Variants in DCC observed in about 807,000 individuals in gnomAD.
DCC encodes the protein netrin receptor DCC.
Under a neutral mutation model 172.5 loss-of-function variants are expected in DCC, and 58 were observed. The observed-to-expected ratio is 0.34, with a 90% CI of 0.27 to 0.42. The LOEUF (loss-of-function observed/expected upper bound fraction) is 0.42. DCC is among the 10% of genes least tolerant of loss of function. The probability of loss-of-function intolerance (pLI) is 1.00; values close to 1 mark genes in which losing one functional copy is unlikely to be tolerated. For synonymous variants in DCC, 709 were observed against 644.5 expected (o/e 1.10, Z -1.52); for missense variants, 1,740 against 1,791.0 (o/e 0.97, Z 0.51).
chr18:53,453,211 G>A (rs186638368), intron 23 of DCC, among the ~76,000 whole-genome samples: 233 of 152,164 alleles, frequency 1.5e-3, no homozygotes, highest in East Asian at 6.2e-3. Context: ...CACCGCGCCC[G>A]GCCCCTTATA....
intron 7 of DCC, among the ~76,000 whole-genome samples, chr18:53,095,792 CTT>C (rs71175552): frequency 0.031 from 3,965 of 126,140 alleles, 71 homozygotes; most frequent in African/African-American, 0.041. Flanking sequence ...ATATGGATAT[CTT>C]TTTTTTTTTT....
At chr18:52,988,562 A>G (rs2041332056) in intron 5 of DCC, among the ~76,000 whole-genome samples, 1 of 152,164 alleles carries the variant, frequency 6.6e-6, no homozygotes, top group Non-Finnish European at 1.5e-5. Context: ...TATAAAATCT[A>G]TAATAAATTA....
chr18:52,426,410 G>A (rs892223054), intron 1 of DCC, among the ~76,000 whole-genome samples: 9 of 150,568 alleles, frequency 6.0e-5, no homozygotes, highest in African/African-American at 2.0e-4. Context: ...TTAAACATAC[G>A]TGGTCGTGGT....
chr18:53,187,208 C>T (rs1259387820), intron 9 of DCC, among the ~76,000 whole-genome samples: 1 of 151,420 alleles, frequency 6.6e-6, no homozygotes, highest in Non-Finnish European at 1.5e-5. Flanking sequence ...CTGCAACCTC[C>T]ACGTCCTGAG....
chr18:53,303,704 C>T (rs2057167368), intron 12 of DCC, among the ~76,000 whole-genome samples: 3 of 152,102 alleles, frequency 2.0e-5, no homozygotes. Flanking sequence ...TCTCTGAGCC[C>T]ACAGTAGCAT....
At chr18:53,259,855 A>C (rs2056572321) in intron 12 of DCC, among the ~76,000 whole-genome samples, 1 of 152,048 alleles carries the variant, frequency 6.6e-6, no homozygotes, top group Non-Finnish European at 1.5e-5. Context: ...CACCAATCAG[A>C]AGTAGATTTG....
chr18:53,158,487 G>A (rs1289242225), intron 8 of DCC, among the ~76,000 whole-genome samples: 2 of 152,252 alleles, frequency 1.3e-5, no homozygotes, highest in East Asian at 3.9e-4. Flanking sequence ...CTGTAAACAT[G>A]TGATGATCTT....
chr18:53,133,199 C>G (rs536537953), intron 7 of DCC, among the ~76,000 whole-genome samples: 1 of 152,310 alleles, frequency 6.6e-6, no homozygotes, highest in Non-Finnish European at 1.5e-5. Context: ...TGTGCCAAGG[C>G]ACAGCTGTTC....
intron 1 of DCC, among the ~76,000 whole-genome samples, chr18:52,369,141 C>T (rs947351118): frequency 6.6e-6 from 1 of 152,106 alleles, no homozygotes; most frequent in African/African-American, 2.4e-5. Flanking sequence ...TTGGTGGTAT[C>T]GATGAAGAGT....
intron 12 of DCC, among the ~76,000 whole-genome samples, chr18:53,300,790 T>C (rs1210264126): frequency 6.6e-6 from 1 of 152,128 alleles, no homozygotes; most frequent in East Asian, 1.9e-4. Flanking sequence ...ATATTTTTTT[T>C]CTTCTCTCAG....
At chr18:52,517,557 C>G (rs758641447) in intron 1 of DCC, among the ~76,000 whole-genome samples, 2 of 152,190 alleles carry the variant, frequency 1.3e-5, no homozygotes, top group African/African-American at 2.4e-5. Context: ...AATAGCAACT[C>G]CTTAGGTCCA....
intron 12 of DCC, chr18:53,237,060 T>TA (rs2056214286): frequency 6.6e-6 from 1 of 152,092 alleles, no homozygotes; most frequent in African/African-American, 2.4e-5. Flanking sequence ...TATTTATATA[T>TA]GTTTAAAACC....
intron 19 of DCC, among the ~76,000 whole-genome samples, chr18:53,406,871 A>C (rs1909695862): frequency 6.6e-6 from 1 of 152,086 alleles, no homozygotes; most frequent in Admixed American, 6.6e-5. Flanking sequence ...CATCCCAATG[A>C]AGTTGCTTGT....
At chr18:53,100,852 T>G (rs11873586) in intron 7 of DCC, among the ~76,000 whole-genome samples, 23,944 of 152,024 alleles carry the variant, frequency 0.16, 2,380 homozygotes, top group African/African-American at 0.28. Flanking sequence ...GGAGAGAGCC[T>G]GTTTTAAGAT....
chr18:53,235,929 A>G (rs2056196247), intron 12 of DCC, among the ~76,000 whole-genome samples: 1 of 152,098 alleles, frequency 6.6e-6, no homozygotes, highest in Non-Finnish European at 1.5e-5. Flanking sequence ...CATGCATGGT[A>G]TTTAATATTA....
At chr18:52,608,993 GA>G (rs1366167772) in intron 1 of DCC, among the ~76,000 whole-genome samples, 1 of 152,154 alleles carries the variant, frequency 6.6e-6, no homozygotes, top group Non-Finnish European at 1.5e-5. Context: ...GTGAGTATTT[GA>G]AGCAAGCATC....
At chr18:52,452,465 G>A (rs999142287) in intron 1 of DCC, among the ~76,000 whole-genome samples, 1 of 152,074 alleles carries the variant, frequency 6.6e-6, no homozygotes, top group Non-Finnish European at 1.5e-5. Context: ...GATATTCGAG[G>A]GTTGGATGTA....
At chr18:52,579,450 G>A (rs1292673831) in intron 1 of DCC, among the ~76,000 whole-genome samples, 2 of 152,166 alleles carry the variant, frequency 1.3e-5, no homozygotes, top group African/African-American at 4.8e-5. Flanking sequence ...GCAAAGACTA[G>A]AACAGTCTTT....
intron 1 of DCC, among the ~76,000 whole-genome samples, chr18:52,627,856 C>G (rs1287090797): frequency 6.6e-6 from 1 of 152,174 alleles, no homozygotes; most frequent in African/African-American, 2.4e-5. Context: ...CTTTCTCTCT[C>G]TCTCTAGTTT....
Sources: allele counts gnomAD v4.1 joint callset (sites outside exome capture counted in the v4.1 genomes callset), GRCh38; gene constraint gnomAD v4.1.1; transcripts MANE v1.5; gene names NCBI Gene and HGNC (gene_info 2026-07-23, HGNC 2026-07-21).